FN1: variants seen among roughly 807,000 people sequenced by gnomAD.
FN1 encodes the protein fibronectin.
In FN1, 106 loss-of-function variants were observed where a neutral mutation model predicts 297.3. That is an observed-to-expected ratio of 0.36 (90% CI 0.30 to 0.42). FN1 has a LOEUF of 0.42. Among genes scored for constraint, FN1 ranks in the 10% least tolerant of loss-of-function variants. The pLI is 1.00. For synonymous variants in FN1, 1,149 were observed against 1,152.6 expected, an observed-to-expected ratio of 1.00 and a Z score of 0.06; for missense variants, 2,690 against 3,124.9, an observed-to-expected ratio of 0.86 and a Z score of 3.32.
chr2:215,424,120 C>A (rs1215980548), intron 8 of FN1, 26 bp downstream of exon 8: 1 of 1,611,828 alleles, frequency 6.2e-7, no homozygotes, highest in Non-Finnish European at 8.5e-7. Flanking sequence ...TTTCTCACTT[C>A]TGTGGCTCCC....
chr2:215,433,190 A>C (rs2066833015), intron 3 of FN1, 134 bp downstream of exon 3: 1 of 1,053,528 alleles, frequency 9.5e-7, no homozygotes, highest in South Asian at 1.3e-5. Context: ...GTGACCACTT[A>C]AGAGTACCTG....
At chr2:215,424,061 AT>A in intron 8 of FN1, 84 bp downstream of exon 8, 1 of 1,410,214 alleles carries the variant, frequency 7.1e-7, no homozygotes, top group Non-Finnish European at 1.0e-6. Context: ...CGGGTTCAAA[AT>A]AAATGGCTAG....
At chr2:215,387,367 C>T (rs1260097666) in intron 27 of FN1, among the ~76,000 whole-genome samples, 1 of 136,846 alleles carries the variant, frequency 7.3e-6, no homozygotes, top group Non-Finnish European at 1.6e-5. Flanking sequence ...GCAAGATCTG[C>T]CCACTCTCAA....
At position 215,400,453 on chromosome 2, in the gene FN1, A is replaced by T. The variant is rs1378261760; in HGVS notation, c.3254-1102T>A. Among the ~76,000 whole-genome samples, 6 of 151,766 alleles carry T rather than the reference A, an allele frequency of 4.0e-5. No homozygotes were observed. In the East Asian group the frequency reaches 1.2e-3, roughly 30 times the overall value. The stretch of plus-strand genomic sequence containing the variant: ...TCCTGACATCACTGTTATTTTTCTT[A>T]TTGAAAATATTACTTTGGCCAGGCG... On this transcript the variant is annotated intron_variant, in intron 20 of 45. Coordinates refer to ENST00000354785, the MANE Select transcript of FN1 (RefSeq NM_212482.4).
At chr2:215,408,656 C>A (rs1156268880) in intron 15 of FN1, among the ~76,000 whole-genome samples, 1 of 152,174 alleles carries the variant, frequency 6.6e-6, no homozygotes, top group Non-Finnish European at 1.5e-5. Context: ...CATCCTCTAC[C>A]TTTCCGGTTC....
rs773992227 is a variant in FN1, at chr2:215,419,395, A to G, written c.1676-10T>C. The G allele has an allele frequency of 1.9e-6, 3 of 1,610,238 alleles. No individual in the cohort carries two copies. The highest frequency in any genetic ancestry group is 2.6e-6 in the Non-Finnish European group (3 of 1,176,406). On this transcript the variant is annotated splice_polypyrimidine_tract_variant and intron_variant, in intron 11 of 45. Transcript: ENST00000354785. Reference sequence around the variant, plus strand: ...GAATCCTGGCATTGGTCTAAAATACATGGAAGGAAAAGATAAACAGCCTTG... The same window carrying G: ...GAATCCTGGCATTGGTCTAAAATACGTGGAAGGAAAAGATAAACAGCCTTG...
rs776274803 is a variant in FN1 at position 215,380,844 on chromosome 2, C to G, written c.5401G>C (p.Glu1801Gln). 4 of 1,613,734 alleles carry G rather than the reference C, an allele frequency of 2.5e-6. No homozygotes were observed. In the East Asian group the frequency reaches 6.7e-5, roughly 27 times the overall value. ...TGGGTTCCAATCAGGGGCTGGCTCT[C>G]CATATCATCGTGCAAGGCAACCACA... ...VSVVALHDDM[E>Q]SQPLIGTQST... Residue 1801 changes from glutamate (E) to glutamine (Q), a missense_variant, in exon 33 of 46, where the codon GAG becomes CAG. Transcript: ENST00000354785.
chr2:215,379,220 T>C lies in FN1; in HGVS notation c.5532A>G (p.Arg1844=). ...TCTTCTCCTTGGGGGTCACCCGCACTCGATATCCAGTGAGCTGAACATTGG... is the reference window on the plus strand; with the variant it reads ...TCTTCTCCTTGGGGGTCACCCGCACCCGATATCCAGTGAGCTGAACATTGG... ...TPPNVQLTGY[R]VRVTPKEKTG... Residue 1844 remains arginine (R), a synonymous_variant, in exon 34 of 46, where the codon CGA becomes CGG. Transcript: ENST00000354785. The C allele has an allele frequency of 6.2e-7, 1 of 1,614,088 alleles. No individual in the cohort carries two copies. The highest frequency in any genetic ancestry group is 8.5e-7 in the Non-Finnish European group (1 of 1,180,008).
At chr2:215,433,634 T>C (rs1377685999) in intron 2 of FN1, among the ~76,000 whole-genome samples, 173 bp from the exon 3 acceptor site, 2 of 152,260 alleles carry the variant, frequency 1.3e-5, no homozygotes, top group Non-Finnish European at 2.9e-5. Flanking sequence ...AATAAGGCCA[T>C]GGTTTTTGAC....
Position 215,383,481 on chromosome 2 carries a change from T to C in FN1, c.4897A>G (p.Ile1633Val). 1 of 1,614,120 alleles carries C rather than the reference T, an allele frequency of 6.2e-7. No individual in the cohort carries two copies. The change falls in exon 31 of 46, where the codon ATT becomes GTT. Residue 1633 changes from isoleucine to valine, a missense_variant and splice_region_variant. By Grantham distance (29) the Ile-to-Val change is conservative. Around this residue, in one of 3 missense-constraint regions of FN1, gnomAD observed 1,743 missense variants for 1,945.2 expected, o/e 0.90. Transcript: ENST00000354785. ...ACTTGCATCTGGGATGGTTTGTCAA[T>C]TTCTACAAATAAAAGCAGGGAGAAA... ...KPISINYRTE[I>V]DKPSQMQVTD...
chr2:215,435,564 A>G (rs1319388509), intron 1 of FN1, 91 bp downstream of exon 1: 3 of 1,556,622 alleles, frequency 1.9e-6, no homozygotes, highest in Non-Finnish European at 2.6e-6. Context: ...ACTCGCACAC[A>G]CGCGCGCGCA....
At position 215,361,184 on chromosome 2, in the gene FN1, T is replaced by C. The variant is rs1164152894; in HGVS notation, c.*371A>G. 1 of 262,360 alleles carries C rather than the reference T, an allele frequency of 3.8e-6. No homozygotes were observed. Among genetic ancestry groups the C allele is most frequent in the Non-Finnish European group, 7.5e-6 (1 of 133,850 alleles). The allele number at this position is 262,360 out of a possible 1,614,324, so 16.3% of individuals were successfully genotyped here. On this transcript the variant is annotated 3_prime_UTR_variant, in exon 46 of 46. Coordinates refer to ENST00000354785, the MANE Select transcript of FN1 (RefSeq NM_212482.4). ...CCAGACACTTAAGTGAAAGCAGAAG[T>C]GTTTGGGTGACTTTCCTACTTAAAA...
In FN1 at chr2:215,364,985, T is replaced by TGAGGGTCACA. The variant is rs2106138999; in HGVS notation, c.7145-1_7145insTGTGACCCTC (p.His2382LeufsTer2). On this transcript the variant is annotated stop_gained and frameshift_variant and splice_region_variant. Coordinates refer to ENST00000354785, the MANE Select transcript of FN1 (RefSeq NM_212482.4). LOFTEE classifies it high-confidence loss of function. Reference sequence around the variant, plus strand: ...CCCATCATCATAACACGTTGCCTCATCTGCATATAGACACAAGACAGATGC... The same window carrying TGAGGGTCACA: ...CCCATCATCATAACACGTTGCCTCATGAGGGTCACACTGCATATAGACACAAGACAGATGC... 1.9e-6 allele frequency: 3 copies of TGAGGGTCACA among 1,559,254 alleles called. No homozygotes were observed. The highest frequency in any genetic ancestry group is 2.6e-6 in the Non-Finnish European group (3 of 1,146,322).
At chr2:215,400,016 T>C (rs1050162759) in intron 20 of FN1, among the ~76,000 whole-genome samples, 2 of 151,902 alleles carry the variant, frequency 1.3e-5, no homozygotes, top group African/African-American at 4.8e-5. Flanking sequence ...GGTGAAACCC[T>C]GTCTCTATTA....
chr2:215,392,035 T>C (rs1036777824), intron 25 of FN1: 8 of 534,276 alleles, frequency 1.5e-5, no homozygotes, highest in African/African-American at 1.3e-4. Flanking sequence ...TTTGCCATCA[T>C]TGATATATTT....
At chr2:215,373,173 A>T in intron 39 of FN1, 149 bp downstream of exon 39, 1 of 631,086 alleles carries the variant, frequency 1.6e-6, no homozygotes, top group Non-Finnish European at 2.9e-6. Context: ...TTCTCCTATT[A>T]AAGAATACAA....
At position 215,393,286 on chromosome 2, in the gene FN1, C is replaced by G. The variant is rs1331991995; in HGVS notation, c.3797-83G>C. On this transcript the variant is annotated intron_variant, in intron 24 of 45. Coordinates refer to ENST00000354785, the MANE Select transcript of FN1 (RefSeq NM_212482.4). ...GAGGAAAAAATAAAGCAGTGTATAT[C>G]AGGTTACTAGTAGTAAAATTGGTGG... 8.1e-6 allele frequency: 11 copies of G among 1,366,282 alleles called. No individual in the cohort carries two copies. In the South Asian group the frequency reaches 1.4e-4, roughly 18 times the overall value. The allele number at this position is 1,366,282 out of a possible 1,614,324, so 84.6% of individuals were successfully genotyped here.
chr2:215,431,780 C>A, intron 4 of FN1, 53 bp downstream of exon 4: 2 of 1,599,398 alleles, frequency 1.3e-6, no homozygotes, highest in Admixed American at 1.7e-5. Flanking sequence ...CTGGTCCAAC[C>A]CCACATTAGA....
In FN1 at chr2:215,370,397, C is replaced by CA; in HGVS notation, c.6749dup (p.Thr2251AspfsTer23). The CA allele has an allele frequency of 6.2e-7, 1 of 1,613,886 alleles. No individual in the cohort carries two copies. The highest frequency in any genetic ancestry group is 8.5e-7 in the Non-Finnish European group (1 of 1,179,860). ...AGGTGGCACCTCTGGTGAGGCCTGT[C>CA]AGAGTGGCACTGGTAGAAGTTCCAG... On this transcript the variant is annotated frameshift_variant, in exon 41 of 46. Coordinates refer to ENST00000354785, the MANE Select transcript of FN1 (RefSeq NM_212482.4). LOFTEE classifies it high-confidence loss of function.
Sources: gnomAD v4.1 joint callset for allele counts (sites outside exome capture counted in the v4.1 genomes callset) on GRCh38, gnomAD v4.1.1 for gene constraint, gnomAD v4.1.1 regional missense constraint, MANE v1.5 for transcripts, NCBI Gene and HGNC (gene_info 2026-07-23, HGNC 2026-07-21) for gene names.